The following SEMA3E variants were observed in gnomAD, a reference collection of about 807,000 sequenced individuals.
SEMA3E encodes the protein semaphorin 3E.
A neutral mutation model predicts 93.6 loss-of-function variants in SEMA3E; 49 were observed. That is an observed-to-expected ratio of 0.52 (90% confidence interval 0.42 to 0.66). The LOEUF (loss-of-function observed/expected upper bound fraction) is 0.66. Among genes scored for constraint, SEMA3E ranks in the 30% least tolerant of loss-of-function variants. SEMA3E has a pLI of 0.00. For missense variants in SEMA3E, 906 were observed against 964.8 expected (o/e 0.94, Z 0.81); for synonymous variants, 363 against 330.7 (o/e 1.10, Z -1.06).
At chr7:83,475,270 T>C (rs924273899) in intron 2 of SEMA3E, among the ~76,000 whole-genome samples, 1 of 152,156 alleles carries the variant, frequency 6.6e-6, no homozygotes, top group African/African-American at 2.4e-5. Flanking sequence ...CCCTAAATAC[T>C]GGCTTCAAAA....
intron 1 of SEMA3E, among the ~76,000 whole-genome samples, chr7:83,561,428 G>T (rs1018343765): frequency 5.9e-5 from 9 of 151,928 alleles, no homozygotes; most frequent in African/African-American, 2.2e-4. Context: ...GACTTTTCAG[G>T]TTTTTGCAAA....
At chr7:83,596,414 T>C (rs1584354053) in intron 1 of SEMA3E, among the ~76,000 whole-genome samples, 1 of 152,202 alleles carries the variant, frequency 6.6e-6, no homozygotes, top group South Asian at 2.1e-4. Flanking sequence ...CTAACGTCAC[T>C]GCTCCTAGGC....
chr7:83,491,893 C>G (rs1790392350), intron 1 of SEMA3E, among the ~76,000 whole-genome samples: 1 of 151,976 alleles, frequency 6.6e-6, no homozygotes, highest in Admixed American at 6.6e-5. Flanking sequence ...TAGAATCATA[C>G]TGCTTTCCTT....
chr7:83,606,777 TAAA>T (rs34026764), intron 1 of SEMA3E, among the ~76,000 whole-genome samples: 1 of 146,842 alleles, frequency 6.8e-6, no homozygotes. Flanking sequence ...AAAAAAAAAT[TAAA>T]AAAAAAAATC....
chr7:83,539,807 CCTT>C (rs1193965654), intron 1 of SEMA3E, among the ~76,000 whole-genome samples: 3 of 147,374 alleles, frequency 2.0e-5, no homozygotes, highest in Non-Finnish European at 3.0e-5. Context: ...TAAGACAAAG[CCTT>C]CTTTTTGTGT....
chr7:83,422,858 T>C (rs1272448853), intron 4 of SEMA3E, among the ~76,000 whole-genome samples: 1 of 152,182 alleles, frequency 6.6e-6, no homozygotes, highest in African/African-American at 2.4e-5. Flanking sequence ...AAATGAAAAC[T>C]GAAAGAATTT....
chr7:83,441,939 C>T (rs956189559), intron 4 of SEMA3E, among the ~76,000 whole-genome samples: 4 of 152,130 alleles, frequency 2.6e-5, no homozygotes, highest in African/African-American at 9.7e-5. Context: ...TCAGTACTTT[C>T]AACTTGTCTC....
chr7:83,394,220 G>T, intron 13 of SEMA3E, 77 bp downstream of exon 13: 1 of 1,454,332 alleles, frequency 6.9e-7, no homozygotes. Context: ...ATGTACTAAT[G>T]TTCTCATATC....
intron 1 of SEMA3E, among the ~76,000 whole-genome samples, chr7:83,570,564 A>AC (rs1792262753): frequency 6.9e-6 from 1 of 145,782 alleles, no homozygotes; most frequent in African/African-American, 2.6e-5. Context: ...AAAAAAAAAA[A>AC]AAAAAAAAGA....
chr7:83,480,041 G>C (rs1215344340), intron 2 of SEMA3E, among the ~76,000 whole-genome samples: 3 of 152,110 alleles, frequency 2.0e-5, no homozygotes, highest in Non-Finnish European at 4.4e-5. Flanking sequence ...AACACTTTCA[G>C]GTGCAATGTG....
At chr7:83,570,241 T>C (rs1050349794) in intron 1 of SEMA3E, among the ~76,000 whole-genome samples, 1 of 152,162 alleles carries the variant, frequency 6.6e-6, no homozygotes, top group African/African-American at 2.4e-5. Context: ...AGAAAGTTCA[T>C]AGTGCAAAAT....
At chr7:83,411,556 T>G (rs955738481) in intron 5 of SEMA3E, among the ~76,000 whole-genome samples, 1 of 151,944 alleles carries the variant, frequency 6.6e-6, no homozygotes, top group Non-Finnish European at 1.5e-5. Context: ...AGACAACACA[T>G]TAGTGAAAAA....
chr7:83,490,052 A>C, intron 2 of SEMA3E, 62 bp downstream of exon 2: 1 of 1,523,980 alleles, frequency 6.6e-7, no homozygotes, highest in South Asian at 1.1e-5. Context: ...AAAGACAAGT[A>C]ACATTCTTGA....
chr7:83,552,494 G>T (rs537392221), intron 1 of SEMA3E, among the ~76,000 whole-genome samples: 1 of 152,234 alleles, frequency 6.6e-6, no homozygotes, highest in African/African-American at 2.4e-5. Flanking sequence ...TAACCACAAG[G>T]TCTGACTAAC....
chr7:83,473,734 T>A (rs1015963618), intron 2 of SEMA3E, among the ~76,000 whole-genome samples: 1 of 152,204 alleles, frequency 6.6e-6, no homozygotes, highest in South Asian at 2.1e-4. Flanking sequence ...TTTACACGAA[T>A]GATTCCTATA....
chr7:83,375,181 C>T (rs1403528789), intron 16 of SEMA3E, among the ~76,000 whole-genome samples: 1 of 151,986 alleles, frequency 6.6e-6, no homozygotes, highest in Non-Finnish European at 1.5e-5. Context: ...TGTACAACAA[C>T]TATAATTGAA....
intron 1 of SEMA3E, among the ~76,000 whole-genome samples, chr7:83,553,867 T>G (rs1166605467): frequency 1.3e-5 from 2 of 152,154 alleles, no homozygotes; most frequent in South Asian, 2.1e-4. Flanking sequence ...TTTTATTATG[T>G]AAATTTCCAA....
intron 1 of SEMA3E, among the ~76,000 whole-genome samples, chr7:83,593,352 G>T (rs169993): frequency 0.52 from 76,465 of 145,780 alleles, 20,716 homozygotes; most frequent in Middle Eastern, 0.68. Context: ...GGGGGAAAGA[G>T]TTTTGGAGTT....
chr7:83,509,017 A>G (rs927674014), intron 1 of SEMA3E, among the ~76,000 whole-genome samples: 3 of 152,174 alleles, frequency 2.0e-5, no homozygotes, highest in Non-Finnish European at 4.4e-5. Flanking sequence ...TGAAGGGGGA[A>G]CATGTAAAGG....
Sources: gnomAD v4.1 joint callset for allele counts (sites outside exome capture counted in the v4.1 genomes callset) on GRCh38, gnomAD v4.1.1 for gene constraint, MANE v1.5 for transcripts, NCBI Gene and HGNC (gene_info 2026-07-23, HGNC 2026-07-21) for gene names.